Variants in ERC2 observed in about 807,000 individuals in gnomAD.
ERC2 encodes the protein ERC protein 2.
In ERC2, 42 loss-of-function variants were observed where a neutral mutation model predicts 114.8. That is an observed-to-expected ratio of 0.37 (90% CI 0.29 to 0.47). The LOEUF (loss-of-function observed/expected upper bound fraction) is 0.47. ERC2 is among the 20% of genes least tolerant of loss of function. The pLI is 0.99. For missense variants in ERC2, 939 were observed against 1,150.7 expected (o/e 0.82, Z 2.66); for synonymous variants, 454 against 425.5 (o/e 1.07, Z -0.82).
intron 13 of ERC2, among the ~76,000 whole-genome samples, chr3:55,889,855 C>T (rs769141638): frequency 3.9e-5 from 6 of 152,200 alleles, no homozygotes; most frequent in African/African-American, 1.4e-4. Context: ...AGACTTTCTA[C>T]ACAATTTCTT....
intron 14 of ERC2, among the ~76,000 whole-genome samples, chr3:55,802,120 T>C (rs2071107012): frequency 6.6e-6 from 1 of 152,242 alleles, no homozygotes; most frequent in Admixed American, 6.5e-5. Context: ...CTATATGGAT[T>C]TTGTACTGAA....
At chr3:55,912,175 G>GGA (rs2064847996) in intron 13 of ERC2, among the ~76,000 whole-genome samples, 1 of 152,198 alleles carries the variant, frequency 6.6e-6, no homozygotes, top group Admixed American at 6.5e-5. Context: ...TATGGGGTGT[G>GGA]GAGAGAGAGG....
At chr3:55,826,009 G>C (rs927922462) in intron 14 of ERC2, among the ~76,000 whole-genome samples, 11 of 151,572 alleles carry the variant, frequency 7.3e-5, no homozygotes, top group Admixed American at 6.6e-4. Context: ...GAAGGAGGGA[G>C]GGAGGGAAGG....
Position 56,215,422 on chromosome 3 carries a change from C to A in ERC2, c.1075-41902G>T, listed in dbSNP as rs1284916865. Among the ~76,000 whole-genome samples the A allele has an allele frequency of 2.6e-5, 4 of 152,188 alleles. No homozygotes were observed. The East Asian group carries it at 5.8e-4, about 22-fold the overall frequency. ...GGCCATTACATAATGGTAAAGGGAT[C>A]AATTCAACAAGAAGAGCTATCTATC... On this transcript the variant is annotated intron_variant, in intron 3 of 17. Coordinates refer to ENST00000288221, the MANE Select transcript of ERC2 (RefSeq NM_015576.3).
At chr3:56,037,402 G>A (rs2074874990) in intron 7 of ERC2, among the ~76,000 whole-genome samples, 1 of 152,102 alleles carries the variant, frequency 6.6e-6, no homozygotes, top group African/African-American at 2.4e-5. Context: ...ACTTCACAAT[G>A]CAATCACAAG....
rs1374136687 is a variant in ERC2, at chr3:56,173,554, G to T, written c.1075-34C>A. ...GAACACGATAGAAATAAGCCTGACGGTTCATCCTTCCGTTACACCACAACC... is the reference window on the plus strand; with the variant it reads ...GAACACGATAGAAATAAGCCTGACGTTTCATCCTTCCGTTACACCACAACC... On this transcript the variant is annotated intron_variant, in intron 3 of 17. Coordinates refer to ENST00000288221, the MANE Select transcript of ERC2 (RefSeq NM_015576.3). The T allele has an allele frequency of 2.5e-6, 4 of 1,601,128 alleles. No individual in the cohort carries two copies. In the Admixed American group the frequency reaches 5.0e-5, roughly 20 times the overall value.
chr3:55,621,404 CG>C (rs1382596593), intron 17 of ERC2, among the ~76,000 whole-genome samples: 1 of 152,118 alleles, frequency 6.6e-6, no homozygotes, highest in East Asian at 1.9e-4. Flanking sequence ...AAAGAAAGAA[CG>C]GGACATATTT....
intron 17 of ERC2, chr3:55,657,216 T>G (rs1013544048): frequency 2.0e-5 from 3 of 152,058 alleles, no homozygotes; most frequent in African/African-American, 7.2e-5. Flanking sequence ...TTTTTTTTTT[T>G]GCTGTCAATA....
chr3:55,515,522 G>A (rs2052431830), intron 17 of ERC2, among the ~76,000 whole-genome samples: 1 of 150,930 alleles, frequency 6.6e-6, no homozygotes, highest in African/African-American at 2.4e-5. Flanking sequence ...CATGAGCCAT[G>A]GTGCCCAGCC....
chr3:56,047,904 T>C (rs73091008), intron 7 of ERC2, among the ~76,000 whole-genome samples: 21,934 of 152,046 alleles, frequency 0.14, 1,681 homozygotes, highest in East Asian at 0.17. Context: ...AGATGTAGAA[T>C]TGTACCCACA....
At chr3:56,085,185 A>G (rs1162729277) in intron 6 of ERC2, among the ~76,000 whole-genome samples, 1 of 152,178 alleles carries the variant, frequency 6.6e-6, no homozygotes. Context: ...ATTGGAGTAG[A>G]ATATCCTTTT....
Position 55,715,249 on chromosome 3 carries a change from A to C in ERC2, c.2713-15737T>G, listed in dbSNP as rs1188503618. Among the ~76,000 whole-genome samples, 6 of 152,298 alleles carry C rather than the reference A, an allele frequency of 3.9e-5. No individual in the cohort carries two copies. In the East Asian group the frequency reaches 9.6e-4, roughly 24 times the overall value. ...CTCTGAACCAAGACACTAGTGCCAA[A>C]TTCAAGTCCTCCCCCAAGAATCCAG... On this transcript the variant is annotated intron_variant, in intron 15 of 17. Coordinates refer to ENST00000288221, the MANE Select transcript of ERC2 (RefSeq NM_015576.3).
intron 2 of ERC2, among the ~76,000 whole-genome samples, chr3:56,337,953 AT>A (rs1396014084): frequency 6.6e-5 from 10 of 152,276 alleles, no homozygotes; most frequent in Non-Finnish European, 1.3e-4. Context: ...TCATGGCTAC[AT>A]TCAACAAAAG....
intron 17 of ERC2, among the ~76,000 whole-genome samples, chr3:55,661,227 A>C (rs980546594): frequency 2.0e-5 from 3 of 152,204 alleles, no homozygotes; most frequent in Non-Finnish European, 4.4e-5. Flanking sequence ...GCTGAGTTTC[A>C]TGAGGCCAAA....
intron 17 of ERC2, among the ~76,000 whole-genome samples, chr3:55,641,549 C>CAAAAAAAAAAAAA (rs57407975): frequency 1.4e-4 from 4 of 28,330 alleles, no homozygotes; most frequent in Admixed American, 7.7e-4. Flanking sequence ...GATTCTATCT[C>CAAAAAAAAAAAAA]AAAAAAAAAA....
In ERC2 at chr3:55,581,961, C is replaced by T. The variant is rs574127607; in HGVS notation, c.*40-70685G>A. On this transcript the variant is annotated intron_variant, in intron 17 of 17. Transcript: ENST00000288221. The stretch of plus-strand genomic sequence containing the variant: ...CTTTGAAATATACATGCATGCTGTC[C>T]CCTCCCCACATTCCAACTGGCCTGG... Among the ~76,000 whole-genome samples, 11 of 152,150 alleles carry T rather than the reference C, an allele frequency of 7.2e-5. No homozygotes were observed. In the South Asian group the frequency reaches 2.3e-3, roughly 32 times the overall value.
chr3:55,952,171 ACACACACACTCTCTCTCTCTCTCTCT>A (rs2067594336), intron 12 of ERC2, among the ~76,000 whole-genome samples: 17 of 60,084 alleles, frequency 2.8e-4, no homozygotes, highest in African/African-American at 8.6e-4. Context: ...ACACACACAC[ACACACACACTCTCTCTCTCTCTCTCT>A]CTATATATAT....
At chr3:55,971,040 G>A (rs1458107236) in intron 12 of ERC2, among the ~76,000 whole-genome samples, 1 of 152,084 alleles carries the variant, frequency 6.6e-6, no homozygotes, top group Non-Finnish European at 1.5e-5. Flanking sequence ...ACTATAACAT[G>A]GATGAAACTC....
chr3:56,268,814 A>T (rs1244015692), intron 3 of ERC2, among the ~76,000 whole-genome samples: 1 of 152,212 alleles, frequency 6.6e-6, no homozygotes, highest in Non-Finnish European at 1.5e-5. Flanking sequence ...ATCGCTTTAC[A>T]AGTTCTAATT....
Sources: gnomAD v4.1 joint callset for allele counts (sites outside exome capture counted in the v4.1 genomes callset) on GRCh38, gnomAD v4.1.1 for gene constraint, MANE v1.5 for transcripts, NCBI Gene and HGNC (gene_info 2026-07-23, HGNC 2026-07-21) for gene names.